Variants in GRID2 observed in about 807,000 individuals in gnomAD.
GRID2 encodes glutamate ionotropic receptor delta type subunit 2.
GRID2 carries 33 observed loss-of-function variants against 114.8 expected under a neutral mutation model. The ratio of observed to expected loss-of-function variants is 0.29; its 90% CI spans 0.22 to 0.38. The LOEUF (loss-of-function observed/expected upper bound fraction) is 0.38. Among genes scored for constraint, GRID2 ranks in the 10% least tolerant of loss-of-function variants. GRID2 has a pLI of 1.00. For synonymous variants in GRID2, 505 were observed against 449.9 expected, an observed-to-expected ratio of 1.12 and a Z score of -1.55; for missense variants, 1,184 against 1,257.7, an observed-to-expected ratio of 0.94 and a Z score of 0.89.
intron 1 of GRID2, among the ~76,000 whole-genome samples, chr4:92,427,385 G>A (rs532906581): frequency 6.6e-6 from 1 of 152,064 alleles, no homozygotes; most frequent in Non-Finnish European, 1.5e-5. Flanking sequence ...GAAAAAGATA[G>A]CATACAAACA....
intron 14 of GRID2, among the ~76,000 whole-genome samples, chr4:93,728,439 G>A (rs1407684890): frequency 6.6e-6 from 1 of 152,066 alleles, no homozygotes; most frequent in Non-Finnish European, 1.5e-5. Context: ...GTGTGGTGTG[G>A]TGCTGAAAAA....
At chr4:92,681,875 GT>G (rs1307861471) in intron 2 of GRID2, among the ~76,000 whole-genome samples, 3 of 151,866 alleles carry the variant, frequency 2.0e-5, no homozygotes, top group Non-Finnish European at 2.9e-5. Context: ...TATGCATTCT[GT>G]TTTCAAAACG....
At chr4:92,932,915 T>G (rs2149522931) in intron 2 of GRID2, among the ~76,000 whole-genome samples, 1 of 151,336 alleles carries the variant, frequency 6.6e-6, no homozygotes, top group African/African-American at 2.4e-5. Context: ...AGACTGTTGT[T>G]GCTTTTGGGT....
intron 2 of GRID2, among the ~76,000 whole-genome samples, chr4:92,669,855 A>G (rs905776681): frequency 2.0e-5 from 3 of 152,130 alleles, no homozygotes; most frequent in South Asian, 2.1e-4. Flanking sequence ...TCCAATAACA[A>G]TTATTAAATA....
intron 2 of GRID2, among the ~76,000 whole-genome samples, chr4:92,931,328 C>T (rs1245113494): frequency 2.7e-5 from 4 of 150,830 alleles, no homozygotes; most frequent in African/African-American, 9.7e-5. Flanking sequence ...AGAACTTCCA[C>T]ACTTTTCTGA....
chr4:92,878,571 C>G (rs956111984), intron 2 of GRID2, among the ~76,000 whole-genome samples: 1 of 152,090 alleles, frequency 6.6e-6, no homozygotes, highest in Admixed American at 6.5e-5. Flanking sequence ...GTAGGATATA[C>G]CGCTTGTTTA....
chr4:92,946,072 G>T (rs1451239088), intron 2 of GRID2, among the ~76,000 whole-genome samples: 2 of 151,978 alleles, frequency 1.3e-5, no homozygotes, highest in East Asian at 1.9e-4. Flanking sequence ...TCACCGTTTA[G>T]GTCTCATATG....
intron 1 of GRID2, among the ~76,000 whole-genome samples, chr4:93,787,503 CCT>C: frequency 6.6e-6 from 1 of 152,160 alleles, no homozygotes; most frequent in African/African-American, 2.4e-5. Flanking sequence ...CTCTAACCAC[CCT>C]GTTTAAAGTT....
chr4:93,502,379 C>T (rs927729253), intron 12 of GRID2, among the ~76,000 whole-genome samples: 5 of 151,812 alleles, frequency 3.3e-5, no homozygotes, highest in African/African-American at 9.7e-5. Flanking sequence ...ATCAACTATA[C>T]CAATGAGATA....
At position 93,135,657 on chromosome 4, in the gene GRID2, T is replaced by C. The variant is rs550458471; in HGVS notation, c.735+24704T>C. 9.2e-5 allele frequency among the ~76,000 whole-genome samples: 14 copies of C among 152,304 alleles called. No homozygotes were observed. The South Asian group carries it at 2.5e-3, about 27-fold the overall frequency. ...CAGATGTTGCTATTGTTTGTTTGGC[T>C]GGAGCATTTACTTTGAAAGATATGA... is the stretch of plus-strand genomic sequence containing the variant. On this transcript the variant is annotated intron_variant, in intron 4 of 15. Coordinates refer to ENST00000282020, the MANE Select transcript of GRID2 (RefSeq NM_001510.4).
chr4:93,159,693 AT>A (rs34480915), intron 4 of GRID2, among the ~76,000 whole-genome samples: 7,304 of 131,012 alleles, frequency 0.056, 137 homozygotes, highest in East Asian at 0.11. Context: ...TTCCATCTGC[AT>A]TTTTTTTTTT....
At chr4:92,785,377 AT>A (rs1002474994) in intron 2 of GRID2, among the ~76,000 whole-genome samples, 1 of 151,080 alleles carries the variant, frequency 6.6e-6, no homozygotes, top group Admixed American at 6.6e-5. Context: ...CTAGCTTTTA[AT>A]TTTTTAAATA....
intron 14 of GRID2, among the ~76,000 whole-genome samples, chr4:93,700,062 A>G (rs1431678538): frequency 6.6e-6 from 1 of 152,148 alleles, no homozygotes; most frequent in Non-Finnish European, 1.5e-5. Flanking sequence ...AAAAAACAAC[A>G]GGATCAAATA....
intron 1 of GRID2, among the ~76,000 whole-genome samples, chr4:92,558,983 A>G (rs1238411912): frequency 2.0e-5 from 3 of 152,172 alleles, no homozygotes; most frequent in Middle Eastern, 3.2e-3. Context: ...AACCTATTCC[A>G]TATTTATTTC....
intron 1 of GRID2, among the ~76,000 whole-genome samples, chr4:92,583,186 C>T (rs939488554): frequency 6.6e-6 from 1 of 151,922 alleles, no homozygotes; most frequent in African/African-American, 2.4e-5. Context: ...TCATTTCCCT[C>T]AAAGGGTTTT....
At chr4:93,787,560 C>T (rs146805062) in intron 1 of GRID2, among the ~76,000 whole-genome samples, 132 of 152,202 alleles carry the variant, frequency 8.7e-4, no homozygotes, top group African/African-American at 3.0e-3. Context: ...TACATGGCTC[C>T]GTTATCTTTC....
At chr4:93,072,361 A>G (rs1728884630) in intron 2 of GRID2, among the ~76,000 whole-genome samples, 1 of 152,196 alleles carries the variant, frequency 6.6e-6, no homozygotes, top group Non-Finnish European at 1.5e-5. Flanking sequence ...TGCAATTTTT[A>G]TGAACTCATA....
chr4:93,585,500 A>G (rs1230653026), intron 13 of GRID2, among the ~76,000 whole-genome samples: 1 of 152,108 alleles, frequency 6.6e-6, no homozygotes, highest in African/African-American at 2.4e-5. Flanking sequence ...TCTGCTGCTG[A>G]GGGCTTCATC....
At chr4:92,881,945 A>G (rs1408980515) in intron 2 of GRID2, among the ~76,000 whole-genome samples, 1 of 152,218 alleles carries the variant, frequency 6.6e-6, no homozygotes, top group East Asian at 1.9e-4. Context: ...ACTAAATAGT[A>G]TGTTAGGAAT....
Sources: gnomAD v4.1 joint callset for allele counts (sites outside exome capture counted in the v4.1 genomes callset) on GRCh38, gnomAD v4.1.1 for gene constraint, MANE v1.5 for transcripts, NCBI Gene and HGNC (gene_info 2026-07-23, HGNC 2026-07-21) for gene names.